MMP26: variants seen among roughly 807,000 people sequenced by gnomAD.
The protein encoded by MMP26 is matrix metallopeptidase 26, also known as matrix metalloproteinase-26.
In MMP26, 33 loss-of-function variants were observed where a neutral mutation model predicts 31.0. The ratio of observed to expected loss-of-function variants is 1.06; its 90% CI spans 0.81 to 1.42. The LOEUF (loss-of-function observed/expected upper bound fraction) is 1.42. MMP26 is among the 40% of genes most tolerant of loss of function. MMP26 has a pLI of 0.00. For synonymous variants in MMP26, 122 were observed against 114.9 expected (o/e 1.06, Z -0.40); for missense variants, 347 against 316.1 (o/e 1.10, Z -0.74).
At chr11:4,750,429 C>T (rs1848433389) in intron 1 of MMP26, among the ~76,000 whole-genome samples, 1 of 151,954 alleles carries the variant, frequency 6.6e-6, no homozygotes, top group Non-Finnish European at 1.5e-5. Flanking sequence ...AGTAGTTTCC[C>T]AAGGGAACAT....
intron 2 of MMP26, chr11:4,914,546 C>T (rs190401346): frequency 1.0e-5 from 5 of 478,598 alleles, no homozygotes; most frequent in Non-Finnish European, 1.8e-5. Context: ...TACATTTTAC[C>T]CCCCCCTGCC....
At chr11:4,936,634 T>A (rs907060465) in intron 2 of MMP26, among the ~76,000 whole-genome samples, 25 of 152,166 alleles carry the variant, frequency 1.6e-4, no homozygotes, top group African/African-American at 5.1e-4. Flanking sequence ...GTGGGTATAA[T>A]TAGCTGATTC....
chr11:4,817,256 T>C (rs1327471538), intron 2 of MMP26, among the ~76,000 whole-genome samples: 2 of 152,120 alleles, frequency 1.3e-5, no homozygotes, highest in Non-Finnish European at 2.9e-5. Flanking sequence ...AGGGCATTTG[T>C]TCCTTGCACT....
intron 1 of MMP26, among the ~76,000 whole-genome samples, chr11:4,716,650 CTTTTTTTTTT>C (rs71050424): frequency 4.9e-4 from 32 of 65,042 alleles, no homozygotes; most frequent in Admixed American, 3.2e-3. Flanking sequence ...TCTCTTACCT[CTTTTTTTTTT>C]TTTTTTTTTT....
At chr11:4,807,342 T>C (rs1032263822) in intron 2 of MMP26, among the ~76,000 whole-genome samples, 1 of 152,126 alleles carries the variant, frequency 6.6e-6, no homozygotes, top group African/African-American at 2.4e-5. Flanking sequence ...CATCTATTCA[T>C]GATAGCAAAG....
At chr11:4,879,255 A>C (rs1265364845) in intron 2 of MMP26, among the ~76,000 whole-genome samples, 1 of 152,138 alleles carries the variant, frequency 6.6e-6, no homozygotes, top group African/African-American at 2.4e-5. Context: ...AAGTACAAAA[A>C]GCCAGGGTAG....
At chr11:4,775,747 T>TGAGAGAGAGAGAGAGAGAGAGAGA (rs35696328) in intron 2 of MMP26, among the ~76,000 whole-genome samples, 2 of 139,708 alleles carry the variant, frequency 1.4e-5, no homozygotes, top group African/African-American at 5.3e-5. Flanking sequence ...AGGAAGTGAG[T>TGAGAGAGAGAGAGAGAGAGAGAGA]GAGAGAGAGA....
At chr11:4,827,550 G>T (rs1171362811) in intron 2 of MMP26, among the ~76,000 whole-genome samples, 1 of 151,958 alleles carries the variant, frequency 6.6e-6, no homozygotes, top group Non-Finnish European at 1.5e-5. Flanking sequence ...CAGGAAGGCT[G>T]CTGAGAGAAA....
chr11:4,956,492 A>G (rs924168676), intron 2 of MMP26, among the ~76,000 whole-genome samples: 2 of 152,226 alleles, frequency 1.3e-5, no homozygotes, highest in African/African-American at 4.8e-5. Flanking sequence ...GGCAGGTATT[A>G]GAGAGACATG....
chr11:4,975,648 T>G (rs1343541377), intron 2 of MMP26, among the ~76,000 whole-genome samples: 1 of 152,076 alleles, frequency 6.6e-6, no homozygotes, highest in Non-Finnish European at 1.5e-5. Flanking sequence ...GAGATCATTC[T>G]GCATGGCTTT....
At chr11:4,917,598 G>A (rs1851117408) in intron 2 of MMP26, among the ~76,000 whole-genome samples, 2 of 152,156 alleles carry the variant, frequency 1.3e-5, no homozygotes. Context: ...AGATCATATA[G>A]GCTCTCACAC....
intron 2 of MMP26, among the ~76,000 whole-genome samples, chr11:4,780,965 A>T (rs1848850989): frequency 1.3e-5 from 2 of 152,084 alleles, no homozygotes; most frequent in South Asian, 4.1e-4. Flanking sequence ...CTCAGCAATA[A>T]AACTTGATGC....
chr11:4,795,738 T>A (rs954165552), intron 2 of MMP26, among the ~76,000 whole-genome samples: 5 of 152,200 alleles, frequency 3.3e-5, no homozygotes, highest in Non-Finnish European at 7.3e-5. Context: ...TGGGCAGGTC[T>A]AAACCTTCTT....
chr11:4,834,907 T>C (rs1226414699), intron 2 of MMP26, among the ~76,000 whole-genome samples: 1 of 152,000 alleles, frequency 6.6e-6, no homozygotes, highest in Non-Finnish European at 1.5e-5. Context: ...TATATATATA[T>C]AAAATTATAC....
intron 2 of MMP26, chr11:4,770,085 G>T: frequency 1.7e-6 from 1 of 578,458 alleles, no homozygotes; most frequent in Non-Finnish European, 3.1e-6. Context: ...AAATTATAAT[G>T]TTCATCTACC....
intron 2 of MMP26, among the ~76,000 whole-genome samples, chr11:4,885,578 C>G (rs1850536110): frequency 6.6e-6 from 1 of 151,994 alleles, no homozygotes; most frequent in Admixed American, 6.6e-5. Flanking sequence ...AGGCTATACC[C>G]TCTAGGTTTG....
chr11:4,764,266 C>G (rs1848601390), intron 1 of MMP26, among the ~76,000 whole-genome samples: 1 of 152,006 alleles, frequency 6.6e-6, no homozygotes, highest in Non-Finnish European at 1.5e-5. Context: ...TTTGCTTATT[C>G]AGTTTAATCC....
At chr11:4,891,004 A>C (rs1039004512) in intron 2 of MMP26, among the ~76,000 whole-genome samples, 3 of 147,168 alleles carry the variant, frequency 2.0e-5, no homozygotes, top group Non-Finnish European at 3.0e-5. Context: ...TAATAATAAT[A>C]ATAATAATAA....
rs771985607 is a variant in MMP26 at position 4,789,322 on chromosome 11, C to T, written c.-145+21981C>T. The stretch of plus-strand genomic sequence containing the variant: ...TTTATTGTAATTAAATTGCAAAATG[C>T]CTCATTCTCTATTTCTATCTGGAAA... On this transcript the variant is annotated intron_variant, in intron 2 of 7. Transcript: ENST00000380390. Among the ~76,000 whole-genome samples the T allele has an allele frequency of 2.6e-5, 4 of 151,736 alleles. No homozygotes were observed. The East Asian group carries it at 5.8e-4, about 22-fold the overall frequency.
Sources: allele counts gnomAD v4.1 joint callset (sites outside exome capture counted in the v4.1 genomes callset), GRCh38; gene constraint gnomAD v4.1.1; transcripts MANE v1.5; gene names NCBI Gene and HGNC (gene_info 2026-07-23, HGNC 2026-07-21).